Variants in ERC2 observed in about 807,000 individuals in gnomAD.
The protein encoded by ERC2 is ERC protein 2.
ERC2 carries 42 observed loss-of-function variants against 114.8 expected under a neutral mutation model. The ratio of observed to expected loss-of-function variants is 0.37; its 90% CI spans 0.29 to 0.47. ERC2 has a LOEUF of 0.47. Among genes scored for constraint, ERC2 ranks in the 20% least tolerant of loss-of-function variants. The pLI is 0.99. For missense variants in ERC2, 939 were observed against 1,150.7 expected (o/e 0.82, Z 2.66); for synonymous variants, 454 against 425.5 (o/e 1.07, Z -0.82).
intron 7 of ERC2, among the ~76,000 whole-genome samples, chr3:56,077,632 G>A (rs1363290569): frequency 5.3e-5 from 8 of 152,062 alleles, no homozygotes; most frequent in Non-Finnish European, 8.8e-5. Context: ...AAGAATGAGC[G>A]CACTTAGTCT....
intron 13 of ERC2, among the ~76,000 whole-genome samples, chr3:55,942,301 T>TTTGTTG (rs1196912284): frequency 8.3e-6 from 1 of 120,780 alleles, no homozygotes; most frequent in African/African-American, 3.4e-5. Flanking sequence ...TTTTTTTTTT[T>TTTGTTG]TTGTTGAGAC....
chr3:55,517,979 C>T (rs1304980200), intron 17 of ERC2, among the ~76,000 whole-genome samples: 1 of 152,184 alleles, frequency 6.6e-6, no homozygotes, highest in East Asian at 1.9e-4. Flanking sequence ...TCCAAGGTTT[C>T]TCCATCTTGG....
intron 3 of ERC2, among the ~76,000 whole-genome samples, chr3:56,241,626 A>G (rs1393469030): frequency 6.6e-6 from 1 of 152,254 alleles, no homozygotes; most frequent in East Asian, 1.9e-4. Flanking sequence ...AGATAAGATC[A>G]TAGATCATAG....
intron 17 of ERC2, among the ~76,000 whole-genome samples, chr3:55,535,557 A>C (rs2053944920): frequency 6.6e-6 from 1 of 152,242 alleles, no homozygotes; most frequent in Admixed American, 6.5e-5. Context: ...CACCGGCAGC[A>C]GATAACAGTG....
At chr3:55,797,962 A>G (rs576623557) in intron 14 of ERC2, among the ~76,000 whole-genome samples, 1 of 152,238 alleles carries the variant, frequency 6.6e-6, no homozygotes, top group African/African-American at 2.4e-5. Context: ...CACATAGTAG[A>G]CACAGGTGAA....
At chr3:56,135,470 G>T (rs1233756907) in intron 6 of ERC2, among the ~76,000 whole-genome samples, 2 of 152,156 alleles carry the variant, frequency 1.3e-5, no homozygotes, top group Non-Finnish European at 2.9e-5. Context: ...ATTCAGGTGT[G>T]ACCTGCCCAA....
chr3:55,660,937 C>T (rs947834778), intron 17 of ERC2, among the ~76,000 whole-genome samples: 1 of 152,164 alleles, frequency 6.6e-6, no homozygotes, highest in African/African-American at 2.4e-5. Flanking sequence ...GTGCACAGCA[C>T]CTAAAATGAG....
At chr3:55,773,080 T>C (rs1426577940) in intron 14 of ERC2, among the ~76,000 whole-genome samples, 1 of 152,214 alleles carries the variant, frequency 6.6e-6, no homozygotes, top group Admixed American at 6.5e-5. Context: ...AATGTTACAT[T>C]GGAGCAAGTG....
At chr3:56,324,176 A>G (rs565052717) in intron 2 of ERC2, among the ~76,000 whole-genome samples, 1 of 152,338 alleles carries the variant, frequency 6.6e-6, no homozygotes, top group East Asian at 1.9e-4. Context: ...GAAAGAGGTC[A>G]GAAAACTGAA....
At chr3:56,210,643 T>G (rs531893064) in intron 3 of ERC2, among the ~76,000 whole-genome samples, 7 of 152,324 alleles carry the variant, frequency 4.6e-5, no homozygotes, top group African/African-American at 1.2e-4. Flanking sequence ...AAATCTTGGA[T>G]AAACTGCTGG....
At chr3:55,990,325 G>A (rs2070964115) in intron 11 of ERC2, among the ~76,000 whole-genome samples, 1 of 152,150 alleles carries the variant, frequency 6.6e-6, no homozygotes. Flanking sequence ...CTATTATGAA[G>A]AGAAATATTA....
chr3:56,031,973 G>T (rs2074404571), intron 7 of ERC2, among the ~76,000 whole-genome samples: 1 of 152,176 alleles, frequency 6.6e-6, no homozygotes, highest in South Asian at 2.1e-4. Flanking sequence ...GATTCCTCTT[G>T]AATGGCTTGG....
At chr3:55,839,469 CA>C in intron 14 of ERC2, among the ~76,000 whole-genome samples, 1 of 151,654 alleles carries the variant, frequency 6.6e-6, no homozygotes, top group East Asian at 1.9e-4. Flanking sequence ...TCTAATTAGC[CA>C]TTTAAAACAA....
At chr3:55,880,618 T>A (rs911715952) in intron 14 of ERC2, among the ~76,000 whole-genome samples, 9 of 152,164 alleles carry the variant, frequency 5.9e-5, no homozygotes, top group African/African-American at 2.2e-4. Flanking sequence ...ATAGGCTTTA[T>A]CAGTGTTCTA....
intron 14 of ERC2, among the ~76,000 whole-genome samples, chr3:55,756,893 T>C (rs1022897632): frequency 6.6e-6 from 1 of 152,118 alleles, no homozygotes; most frequent in African/African-American, 2.4e-5. Context: ...CTTTTATCTC[T>C]GATTTTAAAA....
chr3:56,299,205 G>C (rs1008030768), intron 2 of ERC2, among the ~76,000 whole-genome samples: 1 of 147,848 alleles, frequency 6.8e-6, no homozygotes, highest in South Asian at 2.1e-4. Flanking sequence ...TTGGCTCACT[G>C]CAAGCTCCGC....
chr3:55,673,351 G>A (rs763863659), intron 17 of ERC2, among the ~76,000 whole-genome samples: 3 of 152,172 alleles, frequency 2.0e-5, no homozygotes, highest in Admixed American at 6.5e-5. Context: ...TTGGGAGGCC[G>A]AGGTGGGCAG....
intron 14 of ERC2, among the ~76,000 whole-genome samples, chr3:55,837,398 TA>T (rs1204611142): frequency 3.3e-5 from 5 of 152,050 alleles, no homozygotes; most frequent in Non-Finnish European, 7.4e-5. Flanking sequence ...ATGTGGCACA[TA>T]TACACCATGG....
At chr3:56,456,100 C>T (rs1194718626) in intron 1 of ERC2, among the ~76,000 whole-genome samples, 2 of 152,172 alleles carry the variant, frequency 1.3e-5, no homozygotes, top group Admixed American at 1.3e-4. Flanking sequence ...ATGTACCCTC[C>T]TAAGGTTTAT....
Sources: allele counts gnomAD v4.1 joint callset (sites outside exome capture counted in the v4.1 genomes callset), GRCh38; gene constraint gnomAD v4.1.1; transcripts MANE v1.5; gene names NCBI Gene and HGNC (gene_info 2026-07-23, HGNC 2026-07-21).